NUDT7: variants seen among roughly 807,000 people sequenced by gnomAD.
The protein encoded by NUDT7 is nudix hydrolase 7.
Under a neutral mutation model 13.1 loss-of-function variants are expected in NUDT7, and 19 were observed. The ratio of observed to expected loss-of-function variants is 1.45; its 90% CI spans 1.01 to 2.13. The LOEUF is 2.13. Among genes scored for constraint, NUDT7 ranks in the 30% most tolerant of loss-of-function variants. NUDT7 has a pLI of 0.00. For synonymous variants in NUDT7, 132 were observed against 109.7 expected (o/e 1.20, Z -1.27); for missense variants, 360 against 291.7 (o/e 1.23, Z -1.71).
At chr16:77,724,440 T>C (rs1464515882) in intron 1 of NUDT7, among the ~76,000 whole-genome samples, 1 of 151,744 alleles carries the variant, frequency 6.6e-6, no homozygotes, top group Admixed American at 6.6e-5. Context: ...TTATGCTTTT[T>C]TTTTTTTTCT....
intron 2 of NUDT7, among the ~76,000 whole-genome samples, chr16:77,726,758 C>T (rs1249275250): frequency 2.0e-5 from 3 of 152,088 alleles, no homozygotes; most frequent in Non-Finnish European, 4.4e-5. Flanking sequence ...GATTGTGCCA[C>T]TGCGCTCCAG....
intron 1 of NUDT7, among the ~76,000 whole-genome samples, chr16:77,722,888 G>A (rs2014005169): frequency 6.6e-6 from 1 of 152,094 alleles, no homozygotes; most frequent in Non-Finnish European, 1.5e-5. Context: ...TGCAATCCGC[G>A]TCTCCAGAGT....
chr16:77,740,261 G>C (rs1197602871), intron 3 of NUDT7, among the ~76,000 whole-genome samples: 2 of 152,140 alleles, frequency 1.3e-5, no homozygotes, highest in African/African-American at 4.8e-5. Context: ...AGTTGTCTCT[G>C]TTCCTAAATT....
At position 77,735,878 on chromosome 16, in the gene NUDT7, T is replaced by G; in HGVS notation, c.240T>G (p.Pro80=). ...EVCFPGGKRD[P]TDMDDAATAL... is the part of the protein sequence containing the mutation. ...GCTTCCCTGGAGGTAAGCGTGACCC[T>G]ACAGACATGGATGATGCAGCCACAG... The change falls in exon 3 of 4, where the codon CCT becomes CCG. Residue 80 remains proline, a synonymous_variant. Transcript: ENST00000268533. 1 of 1,614,024 alleles carries G rather than the reference T, an allele frequency of 6.2e-7. No individual in the cohort carries two copies. The highest frequency in any genetic ancestry group is 2.2e-5 in the East Asian group (1 of 44,856).
intron 3 of NUDT7, among the ~76,000 whole-genome samples, chr16:77,738,058 A>C (rs1447844535): frequency 1.3e-5 from 2 of 152,186 alleles, no homozygotes; most frequent in Admixed American, 1.3e-4. Flanking sequence ...GTGTGTGTGT[A>C]TGAAAGCGAG....
intron 1 of NUDT7, among the ~76,000 whole-genome samples, chr16:77,723,610 T>TTTTTA (rs10680695): frequency 4.3e-5 from 6 of 139,682 alleles, no homozygotes; most frequent in African/African-American, 1.3e-4. Context: ...TTTTTTTTTT[T>TTTTTA]GAGACAGAGT....
chr16:77,735,630 C>G (rs1012950635), intron 2 of NUDT7, 198 bp from the exon 3 acceptor site: 1 of 612,924 alleles, frequency 1.6e-6, no homozygotes, highest in Non-Finnish European at 2.9e-6. Context: ...TAAAAGTTAG[C>G]AGTGAGAAAA....
rs577088545 is a variant in NUDT7, at chr16:77,722,569, C to G, written c.-14C>G. 9 of 1,584,946 alleles carry G rather than the reference C, an allele frequency of 5.7e-6. No individual in the cohort carries two copies. The highest frequency in any genetic ancestry group is 1.8e-5 in the Admixed American group (1 of 56,680). The stretch of plus-strand genomic sequence containing the variant: ...TCCGAGGAGTCCGCCCGGAAACAAA[C>G]ATTCCCCAGGGCAATGTCACGACTT... On this transcript the variant is annotated 5_prime_UTR_variant, in exon 1 of 4. Coordinates refer to ENST00000268533, the MANE Select transcript of NUDT7 (RefSeq NM_001105663.3).
intron 1 of NUDT7, among the ~76,000 whole-genome samples, chr16:77,723,353 T>C (rs2014024653): frequency 6.6e-6 from 1 of 152,176 alleles, no homozygotes; most frequent in South Asian, 2.1e-4. Flanking sequence ...TGAAATACAC[T>C]GCCGTTACCC....
At chr16:77,722,802 G>C (rs538307951) in intron 1 of NUDT7, among the ~76,000 whole-genome samples, 185 bp downstream of exon 1, 1 of 152,286 alleles carries the variant, frequency 6.6e-6, no homozygotes, top group East Asian at 1.9e-4. Flanking sequence ...GCACTGCTCT[G>C]GCCAGGAACA....
In NUDT7 at chr16:77,741,635, C is replaced by G. The variant is rs1449308074; in HGVS notation, c.402C>G (p.Ala134=). 10 of 1,613,764 alleles carry G rather than the reference C, an allele frequency of 6.2e-6. No homozygotes were observed. The highest frequency in any genetic ancestry group is 3.3e-4 in the Middle Eastern group (2 of 6,062). The change falls in exon 4 of 4, where the codon GCC becomes GCG. Residue 134 remains alanine (A), a synonymous_variant. Transcript: ENST00000268533. ...FVGLIDHNFQ[A]QPNPAEVKDV... is the part of the protein sequence containing the mutation. ...GTTTAATAGACCACAACTTCCAGGC[C>G]CAGCCGAATCCTGCTGAAGTTAAGG... is the stretch of plus-strand genomic sequence containing the variant.
At chr16:77,726,149 C>T (rs1228845091) in intron 2 of NUDT7, among the ~76,000 whole-genome samples, 1 of 152,244 alleles carries the variant, frequency 6.6e-6, no homozygotes, top group African/African-American at 2.4e-5. Flanking sequence ...GGCTCTAAAG[C>T]TAGCTGTCCA....
rs1280546616 is a variant in NUDT7 at position 77,725,521 on chromosome 16, C to T, written c.126C>T (p.Val42=). The change falls in exon 2 of 4, where the codon GTC becomes GTT. Residue 42 remains valine (V), a synonymous_variant. Coordinates refer to ENST00000268533, the MANE Select transcript of NUDT7 (RefSeq NM_001105663.3). ...YSHLPYNKYS[V]LLPLVAKEGK... Reference sequence around the variant, plus strand: ...ACTTGCCATATAACAAATACTCCGTCCTTTTGCCATTGGTGGCTAAAGAAG... The same window carrying T: ...ACTTGCCATATAACAAATACTCCGTTCTTTTGCCATTGGTGGCTAAAGAAG... 6.2e-7 allele frequency: 1 copy of T among 1,613,914 alleles called. No homozygotes were observed. The highest frequency in any genetic ancestry group is 1.1e-5 in the South Asian group (1 of 91,068).
rs533736952 is a variant in NUDT7, at chr16:77,726,480, G to A, written c.189+896G>A. ...GAGTTTCTGGCTCACCCCTTGTATT[G>A]GTCCATTCTTGCATTGCTATAACGA... On this transcript the variant is annotated intron_variant, in intron 2 of 3. Coordinates refer to ENST00000268533, the MANE Select transcript of NUDT7 (RefSeq NM_001105663.3). 5.9e-5 allele frequency among the ~76,000 whole-genome samples: 9 copies of A among 152,192 alleles called. No homozygotes were observed. The East Asian group carries it at 1.7e-3, about 29-fold the overall frequency.
At chr16:77,726,122 T>C (rs1567426362) in intron 2 of NUDT7, among the ~76,000 whole-genome samples, 1 of 152,218 alleles carries the variant, frequency 6.6e-6, no homozygotes, top group African/African-American at 2.4e-5. Flanking sequence ...TACTAGAGCA[T>C]AGAAGTTAAC....
At chr16:77,733,816 G>C (rs1470897945) in intron 2 of NUDT7, among the ~76,000 whole-genome samples, 1 of 152,142 alleles carries the variant, frequency 6.6e-6, no homozygotes, top group Admixed American at 6.5e-5. Context: ...AGGGCTCCTT[G>C]ACAATTCAGG....
In NUDT7 at chr16:77,722,580, G is replaced by C; in HGVS notation, c.-3G>C. ...CGCCCGGAAACAAACATTCCCCAGG[G>C]CAATGTCACGACTTGGTCTTCCCGA... is the stretch of plus-strand genomic sequence containing the variant. On this transcript the variant is annotated 5_prime_UTR_variant, in exon 1 of 4. Transcript: ENST00000268533. 6.3e-7 allele frequency: 1 copy of C among 1,589,712 alleles called. No individual in the cohort carries two copies. Among genetic ancestry groups the C allele is most frequent in the Non-Finnish European group, 8.6e-7 (1 of 1,167,440 alleles).
intron 2 of NUDT7, among the ~76,000 whole-genome samples, chr16:77,728,848 C>A (rs1291009229): frequency 6.6e-6 from 1 of 152,202 alleles, no homozygotes; most frequent in African/African-American, 2.4e-5. Context: ...AAGCCACCCA[C>A]TTTATAGTTT....
rs769213000 is a variant in NUDT7 at position 77,725,568 on chromosome 16, C to T, written c.173C>T (p.Thr58Ile). The T allele has an allele frequency of 3.1e-6, 5 of 1,613,932 alleles. No individual in the cohort carries two copies. The Admixed American group carries it at 5.0e-5, about 16-fold the overall frequency. ...AKEGKLHLLFTVRSEKLRRAP... is the reference protein window; with the variant it reads ...AKEGKLHLLFIVRSEKLRRAP... ...GAAGGAAAACTCCATTTGTTGTTCA[C>T]CGTCCGGTCAGAGAAGGTAGGTGGA... The change falls in exon 2 of 4, where the codon ACC becomes ATC. Residue 58 changes from threonine to isoleucine, a missense_variant. Coordinates refer to ENST00000268533, the MANE Select transcript of NUDT7 (RefSeq NM_001105663.3).
Sources: gnomAD v4.1 joint callset for allele counts (sites outside exome capture counted in the v4.1 genomes callset) on GRCh38, gnomAD v4.1.1 for gene constraint, MANE v1.5 for transcripts, NCBI Gene and HGNC (gene_info 2026-07-23, HGNC 2026-07-21) for gene names.